PLA2G3: variants seen among roughly 807,000 people sequenced by gnomAD.
PLA2G3 encodes the protein group 3 secretory phospholipase A2.
Under a neutral mutation model 51.3 loss-of-function variants are expected in PLA2G3, and 39 were observed. The ratio of observed to expected loss-of-function variants is 0.76; its 90% CI spans 0.59 to 0.99. The LOEUF (loss-of-function observed/expected upper bound fraction) is 0.99. Among genes scored for constraint, PLA2G3 ranks in the 50% least tolerant of loss-of-function variants. The probability of loss-of-function intolerance (pLI) is 0.00; values close to 1 mark genes in which losing one functional copy is unlikely to be tolerated. For missense variants in PLA2G3, 677 were observed against 662.1 expected (o/e 1.02, Z -0.25); for synonymous variants, 293 against 263.1 (o/e 1.11, Z -1.10).
At position 31,137,884 on chromosome 22, in the gene PLA2G3, C is replaced by G. The variant is rs1276159445; in HGVS notation, c.892G>C (p.Ala298Pro). The part of the protein sequence containing the change: ...TSPTPSSRSP[A>P]PPKPRQKQHL... ...TGCTTCTGTCGAGGCTTGGGAGGGGCTGGGCTCCGGGAGCTGGGAGTTGGG... is the reference window on the plus strand; with the variant it reads ...TGCTTCTGTCGAGGCTTGGGAGGGGGTGGGCTCCGGGAGCTGGGAGTTGGG... Residue 298 changes from alanine to proline, a missense_variant, in exon 4 of 7, where the codon GCC (alanine) becomes CCC (proline). By Grantham distance (27) the Ala-to-Pro change is conservative. Coordinates refer to ENST00000215885, the MANE Select transcript of PLA2G3 (RefSeq NM_015715.5). 14 of 1,613,862 alleles carry G rather than the reference C, an allele frequency of 8.7e-6. No homozygotes were observed. The highest frequency in any genetic ancestry group is 7.7e-5 in the South Asian group (7 of 91,076).
At chr22:31,138,171 A>G (rs1212356420) in intron 3 of PLA2G3, 105 bp downstream of exon 3, 10 of 1,436,182 alleles carry the variant, frequency 7.0e-6, no homozygotes, top group Non-Finnish European at 9.5e-6. Context: ...GCAGGATGGG[A>G]CATCATTCCC....
chr22:31,138,232 C>A, intron 3 of PLA2G3, 44 bp downstream of exon 3: 1 of 1,601,340 alleles, frequency 6.2e-7, no homozygotes. Context: ...GGAGCCTGGG[C>A]TCCCTCTCTG....
chr22:31,137,986 T>G lies in PLA2G3; in HGVS notation c.790A>C (p.Met264Leu). 4.5e-6 allele frequency: 7 copies of G among 1,549,694 alleles called. No homozygotes were observed. The highest frequency in any genetic ancestry group is 6.1e-6 in the Non-Finnish European group (7 of 1,152,692). Residue 264 changes from methionine to leucine, a missense_variant, in exon 4 of 7, where the codon ATG (methionine) becomes CTG (leucine). Physicochemically the swap from Met to Leu is conservative, Grantham distance 15. Coordinates refer to ENST00000215885, the MANE Select transcript of PLA2G3 (RefSeq NM_015715.5). ...CGAGCGAGGGGCACTGTGCCGTACA[T>G]CCTACACCTGGGTGGTGGCAGTTGG... ...VAWYWWGGCR[M>L]YGTVPLARLQ...
Position 31,136,955 on chromosome 22 carries a change from C to A in PLA2G3, c.1152G>T (p.Leu384=). Residue 384 remains leucine, a synonymous_variant, in exon 5 of 7, where the codon CTG becomes CTT. Coordinates refer to ENST00000215885, the MANE Select transcript of PLA2G3 (RefSeq NM_015715.5). ...QIGPREIEFQ[L]LNSAQEPLFH... is the part of the protein sequence containing the mutation. ...AGAGGGGCTCTTGGGCGCTGTTGAG[C>A]AGCTGGAACTCGATTTCCCGGGGCC... 6.3e-7 allele frequency: 1 copy of A among 1,596,868 alleles called. No homozygotes were observed. Among genetic ancestry groups the A allele is most frequent in the Admixed American group, 1.8e-5 (1 of 56,292 alleles).
chr22:31,139,769 G>T, intron 1 of PLA2G3, 72 bp downstream of exon 1: 1 of 1,069,180 alleles, frequency 9.4e-7, no homozygotes, highest in Non-Finnish European at 1.4e-6. Context: ...GCCTAGGAGA[G>T]TAAGGGCTGG....
chr22:31,138,510 A>G, intron 2 of PLA2G3, 100 bp from the exon 3 acceptor site: 6 of 1,528,300 alleles, frequency 3.9e-6, no homozygotes, highest in South Asian at 1.2e-5. Flanking sequence ...TTGGGGTCCA[A>G]GCATCCCTTC....
chr22:31,137,113 G>A, intron 4 of PLA2G3, 73 bp from the exon 5 acceptor site: 1 of 1,372,992 alleles, frequency 7.3e-7, no homozygotes, highest in African/African-American at 1.5e-5. Context: ...CGCCATCCGG[G>A]AGAAACACCA....
At chr22:31,137,070 C>A in intron 4 of PLA2G3, 30 bp from the exon 5 acceptor site, 1 of 1,486,460 alleles carries the variant, frequency 6.7e-7, no homozygotes, top group Non-Finnish European at 9.0e-7. Flanking sequence ...TTGATGGGAG[C>A]CCAATCCACC....
intron 3 of PLA2G3, 64 bp from the exon 4 acceptor site, chr22:31,138,057 C>T (rs1922691445): frequency 3.4e-6 from 5 of 1,485,228 alleles, no homozygotes; most frequent in Admixed American, 2.2e-5. Flanking sequence ...CCCCCAGGGT[C>T]GTCTCCATGG....
At chr22:31,138,942 G>C in intron 1 of PLA2G3, 143 bp from the exon 2 acceptor site, 1 of 701,984 alleles carries the variant, frequency 1.4e-6, no homozygotes, top group Non-Finnish European at 2.4e-6. Context: ...CCTCAGACCA[G>C]TCACTCTCCC....
In PLA2G3 at chr22:31,137,999, T is replaced by G; in HGVS notation, c.783-6A>C. On this transcript the variant is annotated splice_polypyrimidine_tract_variant and splice_region_variant and intron_variant, in intron 3 of 6. Coordinates refer to ENST00000215885, the MANE Select transcript of PLA2G3 (RefSeq NM_015715.5). The stretch of plus-strand genomic sequence containing the variant: ...CTGTGCCGTACATCCTACACCTGGG[T>G]GGTGGCAGTTGGTGGAAATTGGTGA... 6.5e-7 allele frequency: 1 copy of G among 1,531,364 alleles called. No individual in the cohort carries two copies. Among genetic ancestry groups the G allele is most frequent in the Non-Finnish European group, 8.7e-7 (1 of 1,145,700 alleles). The allele number at this position is 1,531,364 out of a possible 1,614,324, so 94.9% of individuals were successfully genotyped here.
In PLA2G3 at chr22:31,137,021, G is replaced by A. The variant is rs1178885686; in HGVS notation, c.1086C>T (p.Arg362=). The A allele has an allele frequency of 1.3e-6, 2 of 1,546,428 alleles. No individual in the cohort carries two copies. Among genetic ancestry groups the A allele is most frequent in the African/African-American group, 1.4e-5 (1 of 72,734 alleles). Residue 362 remains arginine (R), a synonymous_variant, in exon 5 of 7, where the codon CGC becomes CGT. Coordinates refer to ENST00000215885, the MANE Select transcript of PLA2G3 (RefSeq NM_015715.5). ...LKPQGARWVC[R]SFRRHLDQCE... ...ACTGGTCCAGGTGGCGGCGGAAGCT[G>A]CGGCAGACCCAGCGGGCACCTGAGG... is the stretch of plus-strand genomic sequence containing the variant.
Position 31,135,660 on chromosome 22 carries a change from C to T in PLA2G3, c.*63G>A, listed in dbSNP as rs1364622434. 2 of 1,295,706 alleles carry T rather than the reference C, an allele frequency of 1.5e-6. No individual in the cohort carries two copies. Among genetic ancestry groups the T allele is most frequent in the East Asian group, 2.3e-5 (1 of 43,160 alleles). 80.3% of individuals were successfully genotyped at this position (1,295,706 alleles called of 1,614,324 possible). A position where few individuals can be genotyped will look rare whatever the true frequency, so the allele number is the denominator to read the frequency against. On this transcript the variant is annotated 3_prime_UTR_variant, in exon 7 of 7. Transcript: ENST00000215885. ...AACCTACGGAGGGGAGGCTGAGATT[C>T]CCAAGGCTTGGCATAGCCATGGGCA...
intron 4 of PLA2G3, among the ~76,000 whole-genome samples, chr22:31,137,432 TGG>T (rs1409517348): frequency 6.6e-6 from 1 of 152,134 alleles, no homozygotes; most frequent in Non-Finnish European, 1.5e-5. Flanking sequence ...GAGTTTTGAC[TGG>T]GGGTAGGGTC....
At chr22:31,137,456 G>A (rs1202653476) in intron 4 of PLA2G3, among the ~76,000 whole-genome samples, 1 of 152,194 alleles carries the variant, frequency 6.6e-6, no homozygotes, top group Non-Finnish European at 1.5e-5. Flanking sequence ...GCAGGGCCAA[G>A]GCTTGAGGGC....
chr22:31,140,060 T>C lies in PLA2G3; in HGVS notation c.295A>G (p.Thr99Ala), dbSNP rs1602757762. The change falls in exon 1 of 7, where the codon ACC (threonine) becomes GCC (alanine). Residue 99 changes from threonine (T) to alanine (A), a missense_variant. Coordinates refer to ENST00000215885, the MANE Select transcript of PLA2G3 (RefSeq NM_015715.5). ...HETAWGSFIH[T>A]PGPELQRALA... is the part of the protein sequence containing the mutation. ...GCTCTCTGCAGCTCGGGTCCGGGGGTGTGGATGAAGGAGCCCCAGGCAGTC... is the reference window on the plus strand; with the variant it reads ...GCTCTCTGCAGCTCGGGTCCGGGGGCGTGGATGAAGGAGCCCCAGGCAGTC... 1 of 1,613,066 alleles carries C rather than the reference T, an allele frequency of 6.2e-7. No homozygotes were observed. The highest frequency in any genetic ancestry group is 1.1e-5 in the South Asian group (1 of 91,044).
intron 4 of PLA2G3, among the ~76,000 whole-genome samples, 197 bp from the exon 5 acceptor site, chr22:31,137,237 A>C (rs1390036806): frequency 6.6e-6 from 1 of 152,146 alleles, no homozygotes; most frequent in East Asian, 1.9e-4. Context: ...GCCGCCAAAC[A>C]CGGTAGTACT....
rs146277358 is a variant in PLA2G3 at position 31,135,898 on chromosome 22, C to G, written c.1355G>C (p.Arg452Pro). 4.3e-6 allele frequency: 7 copies of G among 1,613,758 alleles called. No homozygotes were observed. The highest frequency in any genetic ancestry group is 5.9e-6 in the Non-Finnish European group (7 of 1,180,032). The change falls in exon 7 of 7, where the codon CGG becomes CCG. Residue 452 changes from arginine (R) to proline (P), a missense_variant. Arg to Pro is a moderately radical substitution (Grantham distance 103). Transcript: ENST00000215885. ...CCTCTGCTGAAGCCTCCGCAAGTGCCGGGCTGACACCCTGATGGCCCTAGG... is the reference window on the plus strand; with the variant it reads ...CCTCTGCTGAAGCCTCCGCAAGTGCGGGGCTGACACCCTGATGGCCCTAGG... Reference protein sequence around the residue: ...RDPRAIRVSARHLRRLQQRRH... With the variant: ...RDPRAIRVSAPHLRRLQQRRH...
At chr22:31,139,285 A>C (rs530502532) in intron 1 of PLA2G3, among the ~76,000 whole-genome samples, 1 of 152,350 alleles carries the variant, frequency 6.6e-6, no homozygotes, top group African/African-American at 2.4e-5. Context: ...CTGATAGTGC[A>C]AGAAATTCAT....
Sources: gnomAD v4.1 joint callset for allele counts (sites outside exome capture counted in the v4.1 genomes callset) on GRCh38, gnomAD v4.1.1 for gene constraint, MANE v1.5 for transcripts, NCBI Gene and HGNC (gene_info 2026-07-23, HGNC 2026-07-21) for gene names.